MLH3: variants seen among roughly 807,000 people sequenced by gnomAD.
MLH3 encodes the protein mutL homolog 3.
A neutral mutation model predicts 122.2 loss-of-function variants in MLH3; 82 were observed. That is an observed-to-expected ratio of 0.67 (90% CI 0.56 to 0.81). The LOEUF is 0.81. Among genes scored for constraint, MLH3 ranks in the 30% least tolerant of loss-of-function variants. The pLI, the probability that MLH3 is intolerant of heterozygous loss-of-function variation, is 0.00. For synonymous variants in MLH3, 524 were observed against 599.5 expected (o/e 0.87, Z 1.84); for missense variants, 1,539 against 1,714.5 (o/e 0.90, Z 1.81).
intron 6 of MLH3, chr14:75,036,882 C>T (rs896568604): frequency 3.4e-5 from 14 of 411,192 alleles, no homozygotes; most frequent in Middle Eastern, 3.5e-4. Flanking sequence ...TCCCATCTAA[C>T]CATGTCTCAG....
At chr14:75,038,800 G>A (rs182503741) in intron 5 of MLH3, among the ~76,000 whole-genome samples, 30 of 152,102 alleles carry the variant, frequency 2.0e-4, no homozygotes, top group African/African-American at 6.7e-4. Context: ...CAAGGAAAAC[G>A]ATTATGGAGA....
chr14:75,019,015 T>C, intron 11 of MLH3, 35 bp from the exon 12 acceptor site: 1 of 1,601,282 alleles, frequency 6.2e-7, no homozygotes, highest in Non-Finnish European at 8.6e-7. Context: ...GGTTATAGTG[T>C]ATATAGTGGG....
At chr14:75,037,781 C>T (rs955987641) in intron 6 of MLH3, among the ~76,000 whole-genome samples, 2 of 151,578 alleles carry the variant, frequency 1.3e-5, no homozygotes, top group Non-Finnish European at 2.9e-5. Context: ...AGCGAGACCC[C>T]GTTCTCCACA....
chr14:75,047,984 T>C lies in MLH3; in HGVS notation c.1672A>G (p.Thr558Ala), dbSNP rs1386400935. ...GGCAGAGGCTGGCATCCCACTTCAG[T>C]AGCATCTTTAAATCTCTTTGGTTGA... ...QNQPKRFKDA[T>A]EVGCQPLPFA... Residue 558 changes from threonine (T) to alanine (A), a missense_variant, in exon 2 of 13, where the codon ACT becomes GCT. By Grantham distance (58) the Thr-to-Ala change is moderately conservative. Transcript: ENST00000355774. The C allele has an allele frequency of 2.5e-6, 4 of 1,614,086 alleles. No homozygotes were observed. Among genetic ancestry groups the C allele is most frequent in the Non-Finnish European group, 1.7e-6 (2 of 1,180,030 alleles).
rs1181460719 is a variant in MLH3 at position 75,039,997 on chromosome 14, T to C, written c.3484A>G (p.Ser1162Gly). 1 of 1,588,648 alleles carries C rather than the reference T, an allele frequency of 6.3e-7. No individual in the cohort carries two copies. Among genetic ancestry groups the C allele is most frequent in the East Asian group, 2.3e-5 (1 of 44,238 alleles). The change falls in exon 5 of 13, where the codon AGT becomes GGT. Residue 1162 changes from serine (S) to glycine (G), a missense_variant. Ser to Gly is a moderately conservative substitution (Grantham distance 56). Coordinates refer to ENST00000355774, the MANE Select transcript of MLH3 (RefSeq NM_001040108.2). The part of the protein sequence containing the change: ...RYPEVAVDVS[S>G]GQAESLAVKI... ...ACTGCTAAGCTCTCAGCCTGGCCAC[T>C]GCTTACATCAACAGCAACCTAGAAA... is the stretch of plus-strand genomic sequence containing the variant.
At chr14:75,040,940 GTAATTTCCAAATACATAATTTGGAAA>G (rs1310020393) in intron 4 of MLH3, among the ~76,000 whole-genome samples, 13 of 152,054 alleles carry the variant, frequency 8.5e-5, no homozygotes, top group African/African-American at 2.7e-4. Context: ...ACATTAAACA[GTAATTTCCAAATACATAATTTGGAAA>G]TATGCCCAGT....
Position 75,046,616 on chromosome 14 carries a change from C to T in MLH3, c.3040G>A (p.Gly1014Ser), listed in dbSNP as rs772758424. The change falls in exon 2 of 13, where the codon GGT (glycine) becomes AGT (serine). Residue 1014 changes from glycine to serine, a missense_variant. Transcript: ENST00000355774. ...TGAAAACAAATTCCATTTTGGTCAC[C>T]TGTGGCATCTTCTACCGGATTCATT... ...MLMNPVEDATGDQNGICFQSE... is the reference protein window; with the variant it reads ...MLMNPVEDATSDQNGICFQSE... 23 of 1,614,198 alleles carry T rather than the reference C, an allele frequency of 1.4e-5. No homozygotes were observed. The South Asian group carries it at 2.4e-4, about 17-fold the overall frequency.
intron 7 of MLH3, among the ~76,000 whole-genome samples, chr14:75,032,632 A>G (rs949468987): frequency 6.6e-6 from 1 of 151,870 alleles, no homozygotes; most frequent in East Asian, 2.0e-4. Flanking sequence ...TGTTTTTACT[A>G]TATCTTTCCC....
chr14:75,028,752 C>T (rs1386231818), intron 9 of MLH3, among the ~76,000 whole-genome samples: 5 of 151,766 alleles, frequency 3.3e-5, no homozygotes, highest in Admixed American at 6.6e-5. Context: ...AATAGCCTAA[C>T]GTTGATCAGA....
chr14:75,047,052 C>T lies in MLH3; in HGVS notation c.2604G>A (p.Lys868=), dbSNP rs763227940. 5.6e-6 allele frequency: 9 copies of T among 1,614,022 alleles called. No individual in the cohort carries two copies. The East Asian group carries it at 1.1e-4, about 20-fold the overall frequency. ...ATTTAGAGGCTAGTGATTCAGATGACTTCTCAAGGTCCAAAGGTTTTCTAT... is the reference window on the plus strand; with the variant it reads ...ATTTAGAGGCTAGTGATTCAGATGATTTCTCAAGGTCCAAAGGTTTTCTAT... ...LFNRKPLDLE[K]SSESLASKLS... Residue 868 remains lysine, a synonymous_variant, in exon 2 of 13, where the codon AAG becomes AAA. Coordinates refer to ENST00000355774, the MANE Select transcript of MLH3 (RefSeq NM_001040108.2).
intron 6 of MLH3, chr14:75,036,847 T>G (rs1167113718): frequency 4.5e-6 from 2 of 447,764 alleles, no homozygotes; most frequent in African/African-American, 4.0e-5. Context: ...TTCCAATACA[T>G]TCACTGCTCT....
chr14:75,030,847 G>A (rs1891003073), intron 8 of MLH3, 145 bp from the exon 9 acceptor site: 4 of 681,168 alleles, frequency 5.9e-6, no homozygotes, highest in Non-Finnish European at 1.0e-5. Flanking sequence ...CTTATGTGTG[G>A]GTGTTTGGGA....
At chr14:75,043,605 A>T (rs943963644) in intron 2 of MLH3, among the ~76,000 whole-genome samples, 1 of 152,242 alleles carries the variant, frequency 6.6e-6, no homozygotes, top group Non-Finnish European at 1.5e-5. Context: ...CAGGAGGAAA[A>T]CATGAGAGAT....
intron 3 of MLH3, 61 bp from the exon 4 acceptor site, chr14:75,041,761 C>T: frequency 8.1e-7 from 1 of 1,234,264 alleles, no homozygotes; most frequent in Non-Finnish European, 1.2e-6. Flanking sequence ...GAGGGAATGG[C>T]ATTTCCTGTT....
intron 9 of MLH3, among the ~76,000 whole-genome samples, chr14:75,024,291 T>G (rs1890481596): frequency 6.6e-6 from 1 of 152,166 alleles, no homozygotes; most frequent in Admixed American, 6.5e-5. Flanking sequence ...AACCTCTGCC[T>G]TCTGGGTTCA....
At chr14:75,036,167 T>C (rs1891388613) in intron 6 of MLH3, among the ~76,000 whole-genome samples, 1 of 152,198 alleles carries the variant, frequency 6.6e-6, no homozygotes, top group South Asian at 2.1e-4. Context: ...TACCGAGCTC[T>C]TAAGTGCTAG....
intron 9 of MLH3, among the ~76,000 whole-genome samples, chr14:75,027,106 GAAATA>G (rs967559691): frequency 6.6e-6 from 1 of 151,502 alleles, no homozygotes; most frequent in Non-Finnish European, 1.5e-5. Flanking sequence ...CTCAAAAAAT[GAAATA>G]AAATAAAATA....
chr14:75,018,250 C>T (rs1890031901), intron 12 of MLH3, among the ~76,000 whole-genome samples: 1 of 152,184 alleles, frequency 6.6e-6, no homozygotes, highest in Non-Finnish European at 1.5e-5. Context: ...GACAGAAGTT[C>T]TTCATTTAAG....
Position 75,042,382 on chromosome 14 carries a change from T to G in MLH3, c.3376A>C (p.Arg1126=). The change falls in exon 3 of 13, where the codon AGA becomes CGA. Residue 1126 remains arginine, a synonymous_variant. Coordinates refer to ENST00000355774, the MANE Select transcript of MLH3 (RefSeq NM_001040108.2). ...AERTVMRQDN[R]DTVDDTVSSE... is the part of the protein sequence containing the mutation. ...CAGCACTCTCTGCCACCCTTACCTC[T>G]GTTATCCTGTCTCATCACAGTCCTC... 2 of 1,613,966 alleles carry G rather than the reference T, an allele frequency of 1.2e-6. No individual in the cohort carries two copies. The highest frequency in any genetic ancestry group is 1.7e-6 in the Non-Finnish European group (2 of 1,179,800).
Sources: gnomAD v4.1 joint callset for allele counts (sites outside exome capture counted in the v4.1 genomes callset) on GRCh38, gnomAD v4.1.1 for gene constraint, MANE v1.5 for transcripts, NCBI Gene and HGNC (gene_info 2026-07-23, HGNC 2026-07-21) for gene names.